Variants in RASSF8 observed in about 807,000 individuals in gnomAD.
The protein encoded by RASSF8 is Ras association domain family member 8.
A neutral mutation model predicts 48.5 loss-of-function variants in RASSF8; 22 were observed. The ratio of observed to expected loss-of-function variants is 0.45; its 90% CI spans 0.32 to 0.65. The LOEUF (loss-of-function observed/expected upper bound fraction) is 0.65. Among genes scored for constraint, RASSF8 ranks in the 30% least tolerant of loss-of-function variants. RASSF8 has a pLI of 0.03. For missense variants in RASSF8, 418 were observed against 489.2 expected, an observed-to-expected ratio of 0.85 and a Z score of 1.37; for synonymous variants, 127 against 171.5, an observed-to-expected ratio of 0.74 and a Z score of 2.03.
intron 2 of RASSF8, among the ~76,000 whole-genome samples, chr12:26,005,441 A>G (rs1204554949): frequency 1.3e-5 from 2 of 152,202 alleles, no homozygotes; most frequent in Non-Finnish European, 2.9e-5. Flanking sequence ...TAATCAAGTC[A>G]TTCTCTGTGA....
intron 2 of RASSF8, among the ~76,000 whole-genome samples, chr12:26,010,089 C>T (rs945845981): frequency 1.3e-4 from 20 of 152,272 alleles, no homozygotes; most frequent in African/African-American, 3.6e-4. Context: ...GGTCTCCAGG[C>T]CCCCCACGTG....
chr12:26,001,035 A>T (rs1343961862), intron 2 of RASSF8, among the ~76,000 whole-genome samples: 7 of 117,462 alleles, frequency 6.0e-5, no homozygotes, highest in African/African-American at 1.7e-4. Flanking sequence ...CCCAGGCTGG[A>T]GTGCAGTGGC....
chr12:26,020,394 C>G (rs1214124922), intron 2 of RASSF8: 1 of 152,138 alleles, frequency 6.6e-6, no homozygotes, highest in Non-Finnish European at 1.5e-5. Flanking sequence ...TTATGCTCCC[C>G]CAGTTTGTGG....
chr12:26,015,455 A>G (rs534303323), intron 2 of RASSF8, among the ~76,000 whole-genome samples: 1 of 152,322 alleles, frequency 6.6e-6, no homozygotes, highest in African/African-American at 2.4e-5. Flanking sequence ...TGAGACACAG[A>G]GCCGAGAAAT....
At chr12:26,022,241 T>C (rs1331026182) in intron 2 of RASSF8, among the ~76,000 whole-genome samples, 1 of 152,150 alleles carries the variant, frequency 6.6e-6, no homozygotes, top group Non-Finnish European at 1.5e-5. Flanking sequence ...AACATGACAC[T>C]GTCATTGCTG....
chr12:26,050,002 C>T (rs1943457090), intron 2 of RASSF8, among the ~76,000 whole-genome samples: 1 of 152,164 alleles, frequency 6.6e-6, no homozygotes, highest in African/African-American at 2.4e-5. Flanking sequence ...TCAGGATGGT[C>T]TTGATCTCCA....
chr12:26,036,970 G>C (rs1368766499), intron 2 of RASSF8, among the ~76,000 whole-genome samples: 1 of 151,898 alleles, frequency 6.6e-6, no homozygotes, highest in Non-Finnish European at 1.5e-5. Context: ...GGATAAAGTA[G>C]TATCTAAGTG....
intron 1 of RASSF8, among the ~76,000 whole-genome samples, chr12:25,967,322 A>G (rs10842645): frequency 0.36 from 54,709 of 152,036 alleles, 11,209 homozygotes; most frequent in Non-Finnish European, 0.46. Flanking sequence ...TATAATAATA[A>G]AGTCTGGTGA....
chr12:26,037,742 G>A (rs1478544088), intron 2 of RASSF8, among the ~76,000 whole-genome samples: 3 of 152,180 alleles, frequency 2.0e-5, no homozygotes, highest in African/African-American at 7.2e-5. Context: ...TTTGTTAGGA[G>A]GTGGGTGCTA....
chr12:25,978,755 T>A (rs936014286), intron 1 of RASSF8, among the ~76,000 whole-genome samples: 2 of 152,068 alleles, frequency 1.3e-5, no homozygotes, highest in African/African-American at 4.8e-5. Context: ...GTGGCATTAT[T>A]TATGAGGTGC....
intron 1 of RASSF8, among the ~76,000 whole-genome samples, chr12:25,978,872 A>G (rs1388265363): frequency 6.6e-6 from 1 of 152,160 alleles, no homozygotes; most frequent in East Asian, 1.9e-4. Context: ...CATTATGGTA[A>G]TAGGGAAGAG....
intron 2 of RASSF8, among the ~76,000 whole-genome samples, chr12:26,016,760 C>T (rs763581708): frequency 2.2e-4 from 34 of 152,040 alleles, no homozygotes; most frequent in Non-Finnish European, 4.7e-4. Context: ...TTTTTCTTGC[C>T]TAATGTTACT....
intron 2 of RASSF8, among the ~76,000 whole-genome samples, chr12:26,017,122 AT>A (rs34923328): frequency 0.066 from 9,989 of 152,162 alleles, 714 homozygotes; most frequent in East Asian, 0.27. Context: ...TAAATGAAAT[AT>A]TTTTTTAAAA....
In RASSF8 at chr12:26,071,908, T is replaced by C; in HGVS notation, c.*3090T>C. ...TTGCTTCCACAGCATAAATGTAATT[T>C]ACATCTGCATTAAAGGATAATTTTC... On this transcript the variant is annotated 3_prime_UTR_variant, in exon 6 of 6. Coordinates refer to ENST00000689635, the MANE Select transcript of RASSF8 (RefSeq NM_001394098.1). 1.0e-6 allele frequency: 1 copy of C among 985,136 alleles called. No homozygotes were observed. The highest frequency in any genetic ancestry group is 1.2e-6 in the Non-Finnish European group (1 of 829,658). 61.0% of individuals were successfully genotyped at this position (985,136 alleles called of 1,614,324 possible). A position where few individuals can be genotyped will look rare whatever the true frequency, so the allele number is the denominator to read the frequency against.
chr12:25,979,489 A>T (rs1941687446), intron 1 of RASSF8, among the ~76,000 whole-genome samples: 1 of 152,050 alleles, frequency 6.6e-6, no homozygotes, highest in Non-Finnish European at 1.5e-5. Flanking sequence ...AGAATTGGAG[A>T]CTTAAAAAAA....
chr12:26,078,264 A>G (rs1944088331), intron 5 of RASSF8, among the ~76,000 whole-genome samples: 1 of 152,238 alleles, frequency 6.6e-6, no homozygotes, highest in Non-Finnish European at 1.5e-5. Context: ...AATGAGAAAA[A>G]TAAAAGCAGC....
At position 26,068,972 on chromosome 12, in the gene RASSF8, T is replaced by G. The variant is rs2137328538; in HGVS notation, c.*154T>G. On this transcript the variant is annotated 3_prime_UTR_variant, in exon 6 of 6. Transcript: ENST00000689635. ...GCATACCACTTGGAGCCATACCCTG[T>G]GCACTGATGCTAAAGAACAAAGAAA... The G allele has an allele frequency of 7.3e-7, 1 of 1,379,208 alleles. No individual in the cohort carries two copies. Among genetic ancestry groups the G allele is most frequent in the Admixed American group, 3.1e-5 (1 of 32,222 alleles). The allele number at this position is 1,379,208 out of a possible 1,614,324, so 85.4% of individuals were successfully genotyped here. A position where few individuals can be genotyped will look rare whatever the true frequency, so the allele number is the denominator to read the frequency against.
At chr12:26,024,140 T>C (rs1942851185) in intron 2 of RASSF8, among the ~76,000 whole-genome samples, 1 of 152,186 alleles carries the variant, frequency 6.6e-6, no homozygotes, top group Non-Finnish European at 1.5e-5. Flanking sequence ...GAAATACTTG[T>C]ACTGGAATAA....
At chr12:25,985,402 C>T (rs193260811) in intron 1 of RASSF8, among the ~76,000 whole-genome samples, 173 of 152,186 alleles carry the variant, frequency 1.1e-3, no homozygotes, top group African/African-American at 3.9e-3. Context: ...TAGTATCCAC[C>T]GAAGGGAAAT....
Sources: gnomAD v4.1 joint callset for allele counts (sites outside exome capture counted in the v4.1 genomes callset) on GRCh38, gnomAD v4.1.1 for gene constraint, MANE v1.5 for transcripts, NCBI Gene and HGNC (gene_info 2026-07-23, HGNC 2026-07-21) for gene names.